The following WIZ variants were observed in gnomAD, a reference collection of about 807,000 sequenced individuals.
WIZ encodes protein Wiz.
A neutral mutation model predicts 140.2 loss-of-function variants in WIZ; 25 were observed. The observed-to-expected ratio is 0.18, with a 90% CI of 0.13 to 0.25. WIZ has a LOEUF of 0.25. Among genes scored for constraint, WIZ ranks in the 10% least tolerant of loss-of-function variants. The probability of loss-of-function intolerance (pLI) is 1.00; values close to 1 mark genes in which losing one functional copy is unlikely to be tolerated. For synonymous variants in WIZ, 1,125 were observed against 1,154.3 expected, an observed-to-expected ratio of 0.97 and a Z score of 0.51; for missense variants, 2,231 against 2,632.6, an observed-to-expected ratio of 0.85 and a Z score of 3.34.
rs779582177 is a variant in WIZ, at chr19:15,427,300, T to C, written c.4048A>G (p.Lys1350Glu). The C allele has an allele frequency of 2.5e-6, 4 of 1,613,572 alleles. No individual in the cohort carries two copies. In the African/African-American group the frequency reaches 4.0e-5, roughly 16 times the overall value. The stretch of plus-strand genomic sequence containing the variant: ...CCAGGACCTGCGCCGCCCATCATCT[T>C]GGCCAGGGCTTTTGGGCTTGGCCCT... Reference protein sequence around the residue: ...PPGPSPKALAKMMGGAGPGSS... With the variant: ...PPGPSPKALAEMMGGAGPGSS... Residue 1350 changes from lysine (K) to glutamate (E), a missense_variant, in exon 9 of 13, where the codon AAG becomes GAG. Lys to Glu is a moderately conservative substitution (Grantham distance 56, BLOSUM62 1). Coordinates refer to ENST00000673675, the MANE Select transcript of WIZ (RefSeq NM_001371589.1). The surrounding 1 kb of genome is among the most constrained non-coding windows in gnomAD (Gnocchi z 6.4).
In WIZ at chr19:15,423,736, C is replaced by T. The variant is rs117729593; in HGVS notation, c.5510+447G>A. On this transcript the variant is annotated intron_variant, in intron 12 of 12. Coordinates refer to ENST00000673675, the MANE Select transcript of WIZ (RefSeq NM_001371589.1). ...CACCTCACGTCTCAGAGTCCCAGTT[C>T]GCTGCTCTTCAATGTACTTGTGGAC... Among the ~76,000 whole-genome samples the T allele has an allele frequency of 5.5e-3, 836 of 152,324 alleles. 24 individuals carry two copies. The highest frequency in any genetic ancestry group is 0.041 in the Admixed American group (625 of 15,294).
chr19:15,429,879 C>T lies in WIZ; in HGVS notation c.3122G>A (p.Ser1041Asn). The T allele has an allele frequency of 6.5e-7, 1 of 1,535,430 alleles. No homozygotes were observed. Among genetic ancestry groups the T allele is most frequent in the Non-Finnish European group, 8.7e-7 (1 of 1,146,488 alleles). Reference protein sequence around the residue: ...GLPPGLAKKSSSLKEVVAGAP... With the variant: ...GLPPGLAKKSNSLKEVVAGAP... ...CCCGGCGACCACCTCCTTCAGTGAG[C>T]TGGACTTCTTAGCCAGGCCTGGGGG... Residue 1041 changes from serine (S) to asparagine (N), a missense_variant, in exon 7 of 13, where the codon AGC (serine) becomes AAC (asparagine). By Grantham distance (46) the Ser-to-Asn change is conservative (BLOSUM62 1). This residue lies in a region of WIZ where 163 missense variants were observed against 166.8 expected (regional missense o/e 0.98). Coordinates refer to ENST00000673675, the MANE Select transcript of WIZ (RefSeq NM_001371589.1).
At position 15,423,126 on chromosome 19, in the gene WIZ, C is replaced by G; in HGVS notation, c.5620G>C (p.Glu1874Gln). Residue 1874 changes from glutamate to glutamine, a missense_variant, in exon 13 of 13, where the codon GAG becomes CAG. Glu to Gln is a conservative substitution (Grantham distance 29). Transcript: ENST00000673675. Reference sequence around the variant, plus strand: ...TGTGCCTGCGGGGCCTGGGACTCCTCAGGTGGGGGGTCCGCTTTGGAGAAG... The same window carrying G: ...TGTGCCTGCGGGGCCTGGGACTCCTGAGGTGGGGGGTCCGCTTTGGAGAAG... ...MNFSKADPPP[E>Q]ESQAPQAQTA... is the part of the protein sequence containing the mutation. 2 of 1,612,670 alleles carry G rather than the reference C, an allele frequency of 1.2e-6. No individual in the cohort carries two copies. Among genetic ancestry groups the G allele is most frequent in the Non-Finnish European group, 1.7e-6 (2 of 1,179,860 alleles).
rs570134278 is a variant in WIZ, at chr19:15,432,353, G to A, written c.2741-1171C>T. 93 of 826,100 alleles carry A rather than the reference G, an allele frequency of 1.1e-4. No individual in the cohort carries two copies. The South Asian group carries it at 3.7e-3, about 33-fold the overall frequency. 51.2% of individuals were successfully genotyped at this position (826,100 alleles called of 1,614,324 possible). ...GAGGGGGGGGTCCCGCAGACTGGAC[G>A]GAAGGCGTCGGGGGCGGCGGCACCG... On this transcript the variant is annotated intron_variant, in intron 5 of 12. Transcript: ENST00000673675.
Position 15,429,974 on chromosome 19 carries a change from G to T in WIZ, c.3027C>A (p.Ser1009Arg). Residue 1009 changes from serine (S) to arginine (R), a missense_variant, in exon 7 of 13, where the codon AGC becomes AGA. Coordinates refer to ENST00000673675, the MANE Select transcript of WIZ (RefSeq NM_001371589.1). ...CGTAGAGGAGGTCGATGGGTGCGCC[G>T]CTGCTTTCCGACTCTGCCACTCCCA... ...RQLGVAESES[S>R]GAPIDLLYEL... 1 of 1,536,034 alleles carries T rather than the reference G, an allele frequency of 6.5e-7. No individual in the cohort carries two copies. The highest frequency in any genetic ancestry group is 8.7e-7 in the Non-Finnish European group (1 of 1,146,830).
chr19:15,447,452 T>C (rs1381311863), intron 2 of WIZ, among the ~76,000 whole-genome samples: 1 of 152,244 alleles, frequency 6.6e-6, no homozygotes, highest in Non-Finnish European at 1.5e-5. Flanking sequence ...TTGCTTGTTG[T>C]CCATTTCCCC....
chr19:15,425,812 AGGAG>A (rs778795109), intron 9 of WIZ, 44 bp from the exon 10 acceptor site: 3,450 of 31,616 alleles, frequency 0.11, 209 homozygotes, highest in East Asian at 0.26. Context: ...GAGGAGGAGG[AGGAG>A]GGAGGAGGAG....
Position 15,439,597 on chromosome 19 carries a change from C to G in WIZ, c.1397G>C (p.Cys466Ser). Residue 466 changes from cysteine (C) to serine (S), a missense_variant, in exon 4 of 13, where the codon TGT becomes TCT. Physicochemically the swap from Cys to Ser is moderately radical, Grantham distance 112. Around this residue, in one of 15 missense-constraint regions of WIZ, gnomAD observed 475 missense variants for 520.2 expected, o/e 0.91. Coordinates refer to ENST00000673675, the MANE Select transcript of WIZ (RefSeq NM_001371589.1). This position sits in a 1 kb window ranked among gnomAD's most constrained non-coding sequence, Gnocchi z 7.0. ...GGGCGCGGGGAAACCACAGAAGACA[C>G]AGGCGCTGAGGCCAACGGCAGCTCC... ...PYGAAVGLSA[C>S]VFCGFPAPSE... 1 of 1,482,388 alleles carries G rather than the reference C, an allele frequency of 6.7e-7. No homozygotes were observed. The highest frequency in any genetic ancestry group is 1.3e-5 in the South Asian group (1 of 78,060). The allele number at this position is 1,482,388 out of a possible 1,614,324, so 91.8% of individuals were successfully genotyped here.
chr19:15,420,585 G>C lies in WIZ; in HGVS notation c.*2491C>G, dbSNP rs555017088. The C allele has an allele frequency of 6.6e-6, 1 of 152,316 alleles. No homozygotes were observed. Among genetic ancestry groups the C allele is most frequent in the East Asian group, 1.9e-4 (1 of 5,188 alleles). The allele number at this position is 152,316 out of a possible 1,614,324, so 9.4% of individuals were successfully genotyped here. A position where few individuals can be genotyped will look rare whatever the true frequency, so the allele number is the denominator to read the frequency against. ...CACATCCAACACCCTCAGAGACCAC[G>C]GCTCAAAAGCTGAGACTTTGCTGCC... is the stretch of plus-strand genomic sequence containing the variant. On this transcript the variant is annotated 3_prime_UTR_variant, in exon 13 of 13. Coordinates refer to ENST00000673675, the MANE Select transcript of WIZ (RefSeq NM_001371589.1).
In WIZ at chr19:15,421,513, A is replaced by G. The variant is rs1239838291; in HGVS notation, c.*1563T>C. 1.3e-5 allele frequency: 2 copies of G among 152,306 alleles called. No homozygotes were observed. Among genetic ancestry groups the G allele is most frequent in the African/African-American group, 4.8e-5 (2 of 41,480 alleles). 9.4% of individuals were successfully genotyped at this position (152,306 alleles called of 1,614,324 possible). A position where few individuals can be genotyped will look rare whatever the true frequency, so the allele number is the denominator to read the frequency against. On this transcript the variant is annotated 3_prime_UTR_variant, in exon 13 of 13. Coordinates refer to ENST00000673675, the MANE Select transcript of WIZ (RefSeq NM_001371589.1). ...GATGAGCTGAAAAACCACATGCAAT[A>G]AACAAGAAGGAGCAGCCAACAAAAT...
intron 2 of WIZ, among the ~76,000 whole-genome samples, chr19:15,443,553 C>T (rs191723305): frequency 6.6e-6 from 1 of 152,218 alleles, no homozygotes; most frequent in African/African-American, 2.4e-5. Context: ...ACCTGCTATG[C>T]CTTCTGCCCA....
Position 15,424,914 on chromosome 19 carries a change from C to T in WIZ, c.5013G>A (p.Ser1671=), listed in dbSNP as rs750230746. Reference sequence around the variant, plus strand: ...TCCACTCGCTCAGTGTCTCGATGGGCGAGCCATTGACGCACCACTCGGTCA... The same window carrying T: ...TCCACTCGCTCAGTGTCTCGATGGGTGAGCCATTGACGCACCACTCGGTCA... ...FGVTEWCVNG[S]PIETLSEWIK... is the part of the protein sequence containing the mutation. The change falls in exon 11 of 13, where the codon TCG becomes TCA. Residue 1671 remains serine (S), a synonymous_variant. Coordinates refer to ENST00000673675, the MANE Select transcript of WIZ (RefSeq NM_001371589.1). This position sits in a 1 kb window ranked among gnomAD's most constrained non-coding sequence, Gnocchi z 9.7. The T allele has an allele frequency of 6.2e-6, 10 of 1,606,762 alleles. No individual in the cohort carries two copies. Among genetic ancestry groups the T allele is most frequent in the African/African-American group, 2.7e-5 (2 of 74,782 alleles).
rs764289689 is a variant in WIZ at position 15,421,756 on chromosome 19, C to T, written c.*1320G>A. ...GCTCCCAACGGGTCCCTGACACCCT[C>T]GCTGGTAGCTCCTGCCTTTGATAAG... On this transcript the variant is annotated 3_prime_UTR_variant, in exon 13 of 13. Transcript: ENST00000673675. 1 of 152,258 alleles carries T rather than the reference C, an allele frequency of 6.6e-6. No homozygotes were observed. The highest frequency in any genetic ancestry group is 6.5e-5 in the Admixed American group (1 of 15,284). 9.4% of individuals were successfully genotyped at this position (152,258 alleles called of 1,614,324 possible). A position where few individuals can be genotyped will look rare whatever the true frequency, so the allele number is the denominator to read the frequency against.
At chr19:15,436,721 C>T (rs933490384) in intron 5 of WIZ, 85 bp downstream of exon 5, 16 of 1,340,254 alleles carry the variant, frequency 1.2e-5, no homozygotes, top group Middle Eastern at 2.6e-4. Context: ...GAAAGCTGAG[C>T]GGCTGCCCCT....
Position 15,425,793 on chromosome 19 carries a change from A to G in WIZ, c.4367-25T>C, listed in dbSNP as rs771563963. 5.0e-4 allele frequency: 528 copies of G among 1,050,862 alleles called. 1 individual carries two copies. In the East Asian group the frequency reaches 0.012, roughly 24 times the overall value. The allele number at this position is 1,050,862 out of a possible 1,614,324, so 65.1% of individuals were successfully genotyped here. ...GCTGCAGGGGATCCAGGGTAGGGGG[A>G]AGGAGGAGGAGGAGGAGGAGGAGGG... On this transcript the variant is annotated intron_variant, in intron 9 of 12. Transcript: ENST00000673675.
chr19:15,443,445 C>G (rs1055924048), intron 2 of WIZ, among the ~76,000 whole-genome samples: 2 of 152,154 alleles, frequency 1.3e-5, no homozygotes, highest in Non-Finnish European at 2.9e-5. Context: ...CCAACTTCCC[C>G]TCTCTCTCCT....
chr19:15,437,756 T>G (rs1339378140), intron 4 of WIZ, among the ~76,000 whole-genome samples: 1 of 152,250 alleles, frequency 6.6e-6, no homozygotes, highest in Non-Finnish European at 1.5e-5. Context: ...CTATTTTTAC[T>G]CATGATCACG....
At chr19:15,430,212 C>G (rs1297716206) in intron 6 of WIZ, 123 bp from the exon 7 acceptor site, 15 of 1,337,768 alleles carry the variant, frequency 1.1e-5, no homozygotes, top group African/African-American at 1.5e-5. Context: ...CTCCGTCAGG[C>G]CCCCCAAACC....
chr19:15,431,332 C>G lies in WIZ; in HGVS notation c.2741-150G>C. The G allele has an allele frequency of 4.0e-6, 4 of 1,007,966 alleles. No individual in the cohort carries two copies. The South Asian group carries it at 7.2e-5, about 18-fold the overall frequency. The allele number at this position is 1,007,966 out of a possible 1,614,324, so 62.4% of individuals were successfully genotyped here. ...GAAAGCTGAGGTTCCACCATAACCC[C>G]CAGCACCAGTCCAGTGCAGGGACAC... On this transcript the variant is annotated intron_variant, in intron 5 of 12. Coordinates refer to ENST00000673675, the MANE Select transcript of WIZ (RefSeq NM_001371589.1).
Sources: allele counts gnomAD v4.1 joint callset (sites outside exome capture counted in the v4.1 genomes callset), GRCh38; gene constraint gnomAD v4.1.1; regional missense constraint gnomAD v4.1.1; non-coding constraint Gnocchi (gnomAD v3.1); transcripts MANE v1.5; gene names NCBI Gene and HGNC (gene_info 2026-07-23, HGNC 2026-07-21).